The following CACNA1I variants were observed in gnomAD, a reference collection of about 807,000 sequenced individuals.
CACNA1I encodes the protein voltage-dependent T-type calcium channel subunit alpha-1I.
In CACNA1I, 74 loss-of-function variants were observed where a neutral mutation model predicts 201.6. That is an observed-to-expected ratio of 0.37 (90% CI 0.30 to 0.45). The LOEUF (loss-of-function observed/expected upper bound fraction) is 0.45. Ranked by LOEUF, CACNA1I falls within the 20% of genes least tolerant of loss-of-function variation. The pLI, the probability that CACNA1I is intolerant of heterozygous loss-of-function variation, is 1.00. For missense variants in CACNA1I, 2,346 were observed against 3,138.1 expected (o/e 0.75, Z 6.03); for synonymous variants, 1,431 against 1,345.2 (o/e 1.06, Z -1.40).
At chr22:39,669,660 GTGGATGGATGGGTGGGTGGATGGA>G (rs1231425782) in intron 24 of CACNA1I, among the ~76,000 whole-genome samples, 1 of 151,300 alleles carries the variant, frequency 6.6e-6, no homozygotes, top group Non-Finnish European at 1.5e-5. Flanking sequence ...GGGTGGATGA[GTGGATGGATGGGTGGGTGGATGGA>G]TGGATGGATG....
At chr22:39,611,873 T>TC (rs972050430) in intron 3 of CACNA1I, among the ~76,000 whole-genome samples, 1 of 152,040 alleles carries the variant, frequency 6.6e-6, no homozygotes, top group African/African-American at 2.4e-5. Flanking sequence ...CCAGCATTCT[T>TC]CCCCCAAATC....
At chr22:39,674,088 C>T in intron 29 of CACNA1I, 55 bp downstream of exon 29, 1 of 1,546,078 alleles carries the variant, frequency 6.5e-7, no homozygotes, top group South Asian at 1.1e-5. Context: ...TCAGGCTGGG[C>T]CCTGGGGCAT....
intron 2 of CACNA1I, 110 bp from the exon 3 acceptor site, chr22:39,600,410 C>T (rs900833991): frequency 3.1e-5 from 27 of 864,618 alleles, no homozygotes; most frequent in Non-Finnish European, 4.7e-5. Flanking sequence ...GGGTGTTTCC[C>T]AGGCCCCTTG....
At chr22:39,574,966 G>A (rs1932297787) in intron 1 of CACNA1I, among the ~76,000 whole-genome samples, 1 of 152,258 alleles carries the variant, frequency 6.6e-6, no homozygotes. Flanking sequence ...CCAGCCCGGA[G>A]CTAGGCCCTG....
In CACNA1I at chr22:39,642,881, CT is replaced by C; in HGVS notation, c.1143del (p.Ile382SerfsTer2). 1.2e-6 allele frequency: 2 copies of C among 1,600,010 alleles called. No homozygotes were observed. Among genetic ancestry groups the C allele is most frequent in the East Asian group, 2.2e-5 (1 of 44,670 alleles). On this transcript the variant is annotated frameshift_variant, in exon 7 of 37. Coordinates refer to ENST00000402142, the MANE Select transcript of CACNA1I (RefSeq NM_021096.4). LOFTEE classifies it high-confidence loss of function. ...CTACAACTTCATCTACTTCATCCTG[CT>C]TATCATAGTAAGTGTCAGGGAGCCT... Reference protein sequence around the residue: ...SFYNFIYFILLIIVGSFFMIN... With the variant: ...SFYNFIYFILXIIVGSFFMIN...
Position 39,649,359 on chromosome 22 carries a change from C to T in CACNA1I, c.1568-142C>T. ...GAGCTGCAGCCGCTTCCCCAGGCAC[C>T]CCTGACCGCCTTTCCAGGCTGGGTC... On this transcript the variant is annotated intron_variant, in intron 9 of 36. Coordinates refer to ENST00000402142, the MANE Select transcript of CACNA1I (RefSeq NM_021096.4). The surrounding 1 kb of genome is among the most constrained non-coding windows in gnomAD (Gnocchi z 7.3). 1 of 833,768 alleles carries T rather than the reference C, an allele frequency of 1.2e-6. No individual in the cohort carries two copies. Among genetic ancestry groups the T allele is most frequent in the Non-Finnish European group, 1.8e-6 (1 of 556,306 alleles). 51.6% of individuals were successfully genotyped at this position (833,768 alleles called of 1,614,324 possible). A position where few individuals can be genotyped will look rare whatever the true frequency, so the allele number is the denominator to read the frequency against.
chr22:39,606,672 A>G (rs1041704155), intron 3 of CACNA1I, among the ~76,000 whole-genome samples: 5 of 152,222 alleles, frequency 3.3e-5, no homozygotes, highest in African/African-American at 1.2e-4. Context: ...AGCTGGGATT[A>G]CAGGCATGCG....
At position 39,645,011 on chromosome 22, in the gene CACNA1I, A is replaced by T. The variant is rs5757758; in HGVS notation, c.1150-1558A>T. 9.3e-5 allele frequency among the ~76,000 whole-genome samples: 14 copies of T among 150,090 alleles called. No homozygotes were observed. In the East Asian group the frequency reaches 2.6e-3, roughly 28 times the overall value. Reference sequence around the variant, plus strand: ...CCCCCAGTGCTTTTTTTTAAGACGGAGTCTTGCTCTTGTTGCCCAGCCTGG... The same window carrying T: ...CCCCCAGTGCTTTTTTTTAAGACGGTGTCTTGCTCTTGTTGCCCAGCCTGG... On this transcript the variant is annotated intron_variant, in intron 7 of 36. Coordinates refer to ENST00000402142, the MANE Select transcript of CACNA1I (RefSeq NM_021096.4).
rs144557909 is a variant in CACNA1I at position 39,626,323 on chromosome 22, C to T, written c.580+6916C>T. 2.1e-3 allele frequency among the ~76,000 whole-genome samples: 319 copies of T among 152,352 alleles called. 1 individual carries two copies. The highest frequency in any genetic ancestry group is 3.4e-3 in the Middle Eastern group (1 of 294). On this transcript the variant is annotated intron_variant, in intron 4 of 36. Coordinates refer to ENST00000402142, the MANE Select transcript of CACNA1I (RefSeq NM_021096.4). ...CTGCGTGCACAGCCTCGTGTGCCTA[C>T]GCGATCCGCAGGTGCTGCTGCTAGA...
chr22:39,584,152 G>A (rs1932668719), intron 1 of CACNA1I, among the ~76,000 whole-genome samples: 1 of 152,196 alleles, frequency 6.6e-6, no homozygotes, highest in African/African-American at 2.4e-5. Context: ...AGGCTGTTCA[G>A]GAAGGAGAGA....
At chr22:39,601,855 CTCCTTCCTTCCT>C (rs1242762317) in intron 3 of CACNA1I, among the ~76,000 whole-genome samples, 2 of 71,848 alleles carry the variant, frequency 2.8e-5, no homozygotes, top group Non-Finnish European at 5.6e-5. Flanking sequence ...CCCTCCCTCC[CTCCTTCCTTCCT>C]TCCTTCCTTC....
Position 39,602,553 on chromosome 22 carries a change from G to GT in CACNA1I, c.482+1909dup, listed in dbSNP as rs1555903154. ...TTTGGCTGGAGAACATCTTTAAGTAGTTTTTTTTTAAAAGAAAAGGTGTTT... is the reference window on the plus strand; with the variant it reads ...TTTGGCTGGAGAACATCTTTAAGTAGTTTTTTTTTTAAAAGAAAAGGTGTTT... On this transcript the variant is annotated intron_variant, in intron 3 of 36. Coordinates refer to ENST00000402142, the MANE Select transcript of CACNA1I (RefSeq NM_021096.4). Among the ~76,000 whole-genome samples the GT allele has an allele frequency of 3.3e-5, 5 of 152,122 alleles. No individual in the cohort carries two copies. In the East Asian group the frequency reaches 9.7e-4, roughly 29 times the overall value.
rs370356955 is a variant in CACNA1I at position 39,665,907 on chromosome 22, T to C, written c.4005T>C (p.Cys1335=). Residue 1335 remains cysteine, a synonymous_variant, in exon 23 of 37, where the codon TGT becomes TGC. Coordinates refer to ENST00000402142, the MANE Select transcript of CACNA1I (RefSeq NM_021096.4). This position sits in a 1 kb window ranked among gnomAD's most constrained non-coding sequence, Gnocchi z 5.5. ...TCTTCAAGGGCAAGTTCTACCACTG[T>C]CTGGGCGTGGACACCCGCAACATCA... The part of the protein sequence containing the change: ...VQLFKGKFYH[C]LGVDTRNITN... 1.3e-5 allele frequency: 21 copies of C among 1,613,730 alleles called. No individual in the cohort carries two copies. The highest frequency in any genetic ancestry group is 1.8e-5 in the Non-Finnish European group (21 of 1,179,880).
chr22:39,672,928 C>T, intron 27 of CACNA1I, 21 bp from the exon 28 acceptor site: 2 of 1,606,454 alleles, frequency 1.2e-6, no homozygotes, highest in Non-Finnish European at 1.7e-6. Context: ...CACTCCTGCC[C>T]TCCCATGCAC....
intron 4 of CACNA1I, among the ~76,000 whole-genome samples, chr22:39,626,961 T>C (rs1933916596): frequency 6.6e-6 from 1 of 152,172 alleles, no homozygotes; most frequent in East Asian, 1.9e-4. Context: ...ACACCTACTT[T>C]CTAGATGGGG....
intron 34 of CACNA1I, 76 bp from the exon 35 acceptor site, chr22:39,682,420 G>A: frequency 2.4e-6 from 3 of 1,269,870 alleles, no homozygotes; most frequent in Non-Finnish European, 1.1e-6. Context: ...AGGGGCCGTG[G>A]AGCAGGTCAT....
intron 4 of CACNA1I, among the ~76,000 whole-genome samples, chr22:39,620,723 G>T (rs540354344): frequency 4.2e-4 from 62 of 148,860 alleles, no homozygotes; most frequent in Non-Finnish European, 6.0e-4. Flanking sequence ...TGCCTTCCTG[G>T]TTTTTTTTTG....
At chr22:39,620,588 T>TA (rs766765943) in intron 4 of CACNA1I, among the ~76,000 whole-genome samples, 9 of 152,232 alleles carry the variant, frequency 5.9e-5, no homozygotes, top group Admixed American at 1.3e-4. Flanking sequence ...GACACGAGGT[T>TA]ACCTGCCCAG....
At chr22:39,576,829 C>T (rs1438602209) in intron 1 of CACNA1I, among the ~76,000 whole-genome samples, 2 of 152,232 alleles carry the variant, frequency 1.3e-5, no homozygotes, top group South Asian at 2.1e-4. Context: ...TCTGTGCCTT[C>T]GTGTTCCTGG....
Sources: allele counts gnomAD v4.1 joint callset (sites outside exome capture counted in the v4.1 genomes callset), GRCh38; gene constraint gnomAD v4.1.1; non-coding constraint Gnocchi (gnomAD v3.1); transcripts MANE v1.5; gene names NCBI Gene and HGNC (gene_info 2026-07-23, HGNC 2026-07-21).